Variants in RELL1 observed in about 807,000 individuals in gnomAD.
The protein encoded by RELL1 is RELT like 1.
Under a neutral mutation model 23.0 loss-of-function variants are expected in RELL1, and 10 were observed. The observed-to-expected ratio is 0.43, with a 90% CI of 0.27 to 0.74. RELL1 has a LOEUF of 0.74. RELL1 is among the 30% of genes least tolerant of loss of function. The pLI is 0.19. For synonymous variants in RELL1, 146 were observed against 146.8 expected (o/e 0.99, Z 0.04); for missense variants, 315 against 364.4 (o/e 0.86, Z 1.10).
chr4:37,599,423 G>C (rs1191126090), intron 6 of RELL1, among the ~76,000 whole-genome samples: 2 of 152,218 alleles, frequency 1.3e-5, no homozygotes, highest in Non-Finnish European at 2.9e-5. Context: ...TCATGGGACA[G>C]GGTGATGAAG....
intron 1 of RELL1, among the ~76,000 whole-genome samples, chr4:37,676,029 C>T (rs767123051): frequency 2.5e-4 from 38 of 152,318 alleles, no homozygotes; most frequent in Middle Eastern, 3.4e-3. Flanking sequence ...GTTCTTTCCA[C>T]CTGACCAACT....
At chr4:37,593,990 A>G (rs1274116269) in intron 6 of RELL1, among the ~76,000 whole-genome samples, 1 of 152,250 alleles carries the variant, frequency 6.6e-6, no homozygotes, top group Admixed American at 6.5e-5. Context: ...TTTCGCATTT[A>G]TATATGTATA....
At chr4:37,654,072 T>C (rs1328824039) in intron 1 of RELL1, among the ~76,000 whole-genome samples, 1 of 152,200 alleles carries the variant, frequency 6.6e-6, no homozygotes, top group Non-Finnish European at 1.5e-5. Flanking sequence ...GGTGTCACTG[T>C]GAAGATTAAA....
At chr4:37,673,617 T>C (rs1213864660) in intron 1 of RELL1, among the ~76,000 whole-genome samples, 1 of 152,192 alleles carries the variant, frequency 6.6e-6, no homozygotes, top group East Asian at 1.9e-4. Flanking sequence ...TAGATCCTAT[T>C]TGTGTTACTT....
chr4:37,674,093 C>T (rs933631383), intron 1 of RELL1, among the ~76,000 whole-genome samples: 14 of 152,230 alleles, frequency 9.2e-5, no homozygotes, highest in Non-Finnish European at 1.0e-4. Flanking sequence ...AGGAAAGTCT[C>T]CCTCCCTTTG....
downstream of RELL1, among the ~76,000 whole-genome samples, chr4:37,606,264 A>G (rs1318575247): frequency 6.6e-6 from 1 of 151,824 alleles, no homozygotes; most frequent in East Asian, 1.9e-4. This position sits in a 1 kb window ranked among gnomAD's most constrained non-coding sequence, Gnocchi z 4.1. Context: ...AGTGTGTAAT[A>G]GGTGGAGGAA....
At chr4:37,638,280 C>T (rs947681701) in intron 4 of RELL1, among the ~76,000 whole-genome samples, 167 bp downstream of exon 4, 2 of 152,210 alleles carry the variant, frequency 1.3e-5, no homozygotes, top group Non-Finnish European at 2.9e-5. Context: ...ATCAAACATC[C>T]TCAATACACA....
At chr4:37,647,263 A>G (rs1421559283) in intron 3 of RELL1, 105 bp downstream of exon 3, 6 of 710,580 alleles carry the variant, frequency 8.4e-6, no homozygotes, top group Non-Finnish European at 1.2e-5. Context: ...TAGAAAGCTT[A>G]GGTGAAGTCA....
At chr4:37,644,413 C>T (rs539487635) in intron 3 of RELL1, among the ~76,000 whole-genome samples, 2 of 150,456 alleles carry the variant, frequency 1.3e-5, no homozygotes, top group Non-Finnish European at 3.0e-5. Context: ...ACAGGGCCTA[C>T]GTCATCTGGT....
intron 1 of RELL1, 43 bp from the exon 2 acceptor site, chr4:37,649,543 G>T: frequency 6.4e-7 from 1 of 1,551,266 alleles, no homozygotes; most frequent in Non-Finnish European, 8.9e-7. Context: ...ATCTGTCCAG[G>T]GCAAGAAAAA....
chr4:37,684,054 C>T (rs1027716822), intron 1 of RELL1, among the ~76,000 whole-genome samples: 6 of 150,504 alleles, frequency 4.0e-5, no homozygotes, highest in Non-Finnish European at 5.9e-5. Context: ...CCAGCCTGGG[C>T]GACAGAGCAA....
downstream of RELL1, chr4:37,590,353 G>T: frequency 2.5e-6 from 4 of 1,613,676 alleles, no homozygotes; most frequent in Non-Finnish European, 3.4e-6. Flanking sequence ...CGGTGTCAAC[G>T]GCATCGGCCC....
intron 1 of RELL1, among the ~76,000 whole-genome samples, chr4:37,679,527 C>T (rs1722135416): frequency 6.6e-6 from 1 of 152,174 alleles, no homozygotes; most frequent in African/African-American, 2.4e-5. Flanking sequence ...AGATGTGCTT[C>T]AAAGTTCAAA....
Position 37,679,905 on chromosome 4 carries a change from TCACA to T in RELL1, c.88+6291_88+6294del, listed in dbSNP as rs569399026. On this transcript the variant is annotated intron_variant, in intron 1 of 6. Coordinates refer to ENST00000454158, the MANE Select transcript of RELL1 (RefSeq NM_001085400.2). ...AGGCGGAGCTTGCAGTGACCCGAGATCACACCACTGCACTCCAGCCTGGGAGACA... is the reference window on the plus strand; with the variant it reads ...AGGCGGAGCTTGCAGTGACCCGAGATCCACTGCACTCCAGCCTGGGAGACA... 3.5e-4 allele frequency among the ~76,000 whole-genome samples: 53 copies of T among 151,422 alleles called. No individual in the cohort carries two copies. In the South Asian group the frequency reaches 7.1e-3, roughly 20 times the overall value.
At chr4:37,622,241 A>G (rs965966227) in intron 6 of RELL1, among the ~76,000 whole-genome samples, 3 of 152,224 alleles carry the variant, frequency 2.0e-5, no homozygotes, top group Non-Finnish European at 4.4e-5. Flanking sequence ...CTATACTCTC[A>G]TTTGTAGAAG....
intron 1 of RELL1, among the ~76,000 whole-genome samples, chr4:37,663,006 C>T (rs889443725): frequency 1.3e-5 from 2 of 152,200 alleles, no homozygotes; most frequent in Non-Finnish European, 2.9e-5. Flanking sequence ...CAGGAAGCCA[C>T]CAACTGTGCC....
chr4:37,613,534 T>G (rs928532417), intron 6 of RELL1, among the ~76,000 whole-genome samples, 192 bp from the exon 7 acceptor site: 1 of 151,470 alleles, frequency 6.6e-6, no homozygotes, highest in Non-Finnish European at 1.5e-5. Context: ...TTAAGTAAAA[T>G]ATAATTAATT....
intron 1 of RELL1, among the ~76,000 whole-genome samples, chr4:37,655,061 G>C (rs1721075547): frequency 6.6e-6 from 1 of 152,108 alleles, no homozygotes; most frequent in African/African-American, 2.4e-5. Context: ...AGTCATTTGA[G>C]AGTCACAAAC....
downstream of RELL1, among the ~76,000 whole-genome samples, chr4:37,606,836 G>T (rs982325740): frequency 6.6e-6 from 1 of 152,166 alleles, no homozygotes; most frequent in African/African-American, 2.4e-5. This position sits in a 1 kb window ranked among gnomAD's most constrained non-coding sequence, Gnocchi z 4.1. Flanking sequence ...ATAAGATATT[G>T]GCCTAATCTC....
Sources: gnomAD v4.1 joint callset for allele counts (sites outside exome capture counted in the v4.1 genomes callset) on GRCh38, gnomAD v4.1.1 for gene constraint, Gnocchi (gnomAD v3.1) non-coding constraint, MANE v1.5 for transcripts, NCBI Gene and HGNC (gene_info 2026-07-23, HGNC 2026-07-21) for gene names.